MYO1D: variants seen among roughly 807,000 people sequenced by gnomAD.
MYO1D encodes the protein myosin ID, also known as unconventional myosin-Id.
MYO1D carries 83 observed loss-of-function variants against 122.0 expected under a neutral mutation model. That is an observed-to-expected ratio of 0.68 (90% CI 0.57 to 0.82). The LOEUF (loss-of-function observed/expected upper bound fraction) is 0.82. Ranked by LOEUF, MYO1D falls within the 40% of genes least tolerant of loss-of-function variation. The probability of loss-of-function intolerance (pLI) is 0.00; values close to 1 mark genes in which losing one functional copy is unlikely to be tolerated. For synonymous variants in MYO1D, 464 were observed against 446.9 expected (o/e 1.04, Z -0.48); for missense variants, 1,157 against 1,269.5 (o/e 0.91, Z 1.35).
intron 16 of MYO1D, among the ~76,000 whole-genome samples, chr17:32,680,980 G>C (rs1306568518): frequency 6.6e-6 from 1 of 152,132 alleles, no homozygotes; most frequent in Non-Finnish European, 1.5e-5. Flanking sequence ...TTAGTCTTGG[G>C]AGAGTGTATG....
At chr17:32,579,876 T>C (rs779692067) in intron 21 of MYO1D, among the ~76,000 whole-genome samples, 3 of 152,256 alleles carry the variant, frequency 2.0e-5, no homozygotes, top group Non-Finnish European at 4.4e-5. Flanking sequence ...AGTTTGCTTA[T>C]CCATCTTCCA....
intron 21 of MYO1D, among the ~76,000 whole-genome samples, chr17:32,569,347 G>A (rs771317081): frequency 6.6e-6 from 1 of 152,240 alleles, no homozygotes; most frequent in African/African-American, 2.4e-5. Context: ...AATCGAGGAA[G>A]TGTTTGCAGG....
intron 1 of MYO1D, among the ~76,000 whole-genome samples, chr17:32,828,317 T>G (rs972726700): frequency 2.0e-5 from 3 of 151,452 alleles, no homozygotes; most frequent in African/African-American, 7.3e-5. Flanking sequence ...GAGATCGAGA[T>G]CATCCTGGCT....
chr17:32,552,719 G>A (rs893182115), intron 21 of MYO1D, among the ~76,000 whole-genome samples: 1 of 152,202 alleles, frequency 6.6e-6, no homozygotes, highest in Non-Finnish European at 1.5e-5. Flanking sequence ...TACAGATGTG[G>A]AAACTGAAGC....
chr17:32,552,951 G>A (rs766015313), intron 21 of MYO1D, among the ~76,000 whole-genome samples: 10 of 152,002 alleles, frequency 6.6e-5, no homozygotes, highest in Non-Finnish European at 1.3e-4. Context: ...AAAGAAGCAT[G>A]CCAGGCTGGG....
intron 16 of MYO1D, among the ~76,000 whole-genome samples, chr17:32,705,033 AAG>A (rs1222582689): frequency 6.6e-6 from 1 of 152,198 alleles, no homozygotes; most frequent in Non-Finnish European, 1.5e-5. Flanking sequence ...TCTTTAAAAA[AAG>A]AGATCTTTCT....
chr17:32,750,447 A>G (rs1567623564), intron 11 of MYO1D, among the ~76,000 whole-genome samples: 4 of 151,580 alleles, frequency 2.6e-5, no homozygotes, highest in Non-Finnish European at 4.4e-5. Flanking sequence ...CCCTGTCTCT[A>G]TGAAAAAAAT....
At chr17:32,833,897 C>T (rs2090795224) in intron 1 of MYO1D, among the ~76,000 whole-genome samples, 1 of 152,074 alleles carries the variant, frequency 6.6e-6, no homozygotes, top group South Asian at 2.1e-4. Context: ...AGATAAGACC[C>T]CCTACTACAC....
intron 16 of MYO1D, among the ~76,000 whole-genome samples, chr17:32,674,576 G>A (rs1361266096): frequency 6.6e-6 from 1 of 152,034 alleles, no homozygotes; most frequent in African/African-American, 2.4e-5. Flanking sequence ...CTGTGCTGCT[G>A]TATGTTTCTT....
intron 21 of MYO1D, among the ~76,000 whole-genome samples, chr17:32,508,001 A>AT (rs1909558806): frequency 6.8e-6 from 1 of 147,708 alleles, no homozygotes; most frequent in African/African-American, 2.5e-5. Context: ...GGTTCAAGTG[A>AT]TTCTCCTGCC....
At chr17:32,836,789 C>A (rs1370130472) in intron 1 of MYO1D, among the ~76,000 whole-genome samples, 1 of 152,112 alleles carries the variant, frequency 6.6e-6, no homozygotes, top group East Asian at 1.9e-4. Flanking sequence ...TTAAGCCATT[C>A]TCCTGTTTAT....
At chr17:32,706,974 G>A (rs773414576) in intron 16 of MYO1D, among the ~76,000 whole-genome samples, 2 of 152,112 alleles carry the variant, frequency 1.3e-5, no homozygotes, top group Admixed American at 6.6e-5. Context: ...GGGATTACAG[G>A]TGTGAGCCAC....
intron 21 of MYO1D, among the ~76,000 whole-genome samples, chr17:32,540,243 T>C (rs149938220): frequency 0.015 from 2,315 of 150,224 alleles, 53 homozygotes; most frequent in African/African-American, 0.053. Context: ...GGCAGGAGAA[T>C]TGCTTGAACT....
chr17:32,868,203 G>C (rs1361035237), intron 1 of MYO1D, among the ~76,000 whole-genome samples: 1 of 152,204 alleles, frequency 6.6e-6, no homozygotes, highest in African/African-American at 2.4e-5. Context: ...CCAGGGAATG[G>C]AGCAGAGACA....
chr17:32,712,477 A>G (rs2089390915), intron 15 of MYO1D, among the ~76,000 whole-genome samples: 1 of 152,216 alleles, frequency 6.6e-6, no homozygotes, highest in African/African-American at 2.4e-5. Context: ...GGGTAACCTT[A>G]GAAACATTCT....
intron 21 of MYO1D, among the ~76,000 whole-genome samples, chr17:32,585,312 A>C (rs1465594729): frequency 6.6e-6 from 1 of 152,114 alleles, no homozygotes; most frequent in Non-Finnish European, 1.5e-5. Flanking sequence ...TCCTAAGACC[A>C]GATATAACTC....
At chr17:32,849,610 CAAT>C (rs2090968012) in intron 1 of MYO1D, among the ~76,000 whole-genome samples, 1 of 149,124 alleles carries the variant, frequency 6.7e-6, no homozygotes, top group South Asian at 2.1e-4. Flanking sequence ...GGGAATTGAA[CAAT>C]GAGATCACAT....
intron 20 of MYO1D, among the ~76,000 whole-genome samples, chr17:32,612,864 G>A (rs576867912): frequency 1.3e-5 from 2 of 151,918 alleles, no homozygotes; most frequent in African/African-American, 4.8e-5. Flanking sequence ...TACCTCCCAG[G>A]CTCAAGCAAT....
At chr17:32,845,772 G>A (rs1214469128) in intron 1 of MYO1D, among the ~76,000 whole-genome samples, 1 of 152,156 alleles carries the variant, frequency 6.6e-6, no homozygotes, top group African/African-American at 2.4e-5. Flanking sequence ...TGGATAGTAC[G>A]GTACAGAATA....
Sources: gnomAD v4.1 joint callset for allele counts (sites outside exome capture counted in the v4.1 genomes callset) on GRCh38, gnomAD v4.1.1 for gene constraint, MANE v1.5 for transcripts, NCBI Gene and HGNC (gene_info 2026-07-23, HGNC 2026-07-21) for gene names.